Variants in PTPRD observed in about 807,000 individuals in gnomAD.
The protein encoded by PTPRD is receptor-type tyrosine-protein phosphatase delta.
In PTPRD, 34 loss-of-function variants were observed where a neutral mutation model predicts 214.5. The ratio of observed to expected loss-of-function variants is 0.16; its 90% CI spans 0.12 to 0.21. PTPRD has a LOEUF of 0.21. Ranked by LOEUF, PTPRD falls within the 10% of genes least tolerant of loss-of-function variation. The pLI is 1.00. For synonymous variants in PTPRD, 1,128 were observed against 845.7 expected (o/e 1.33, Z -5.79); for missense variants, 2,545 against 2,398.7 (o/e 1.06, Z -1.27).
At chr9:8,463,349 G>A (rs56236690) in intron 32 of PTPRD, among the ~76,000 whole-genome samples, 1,518 of 144,758 alleles carry the variant, frequency 0.01, 15 homozygotes, top group African/African-American at 0.029. Flanking sequence ...TGTATGGTAT[G>A]AGGATTGACA....
intron 14 of PTPRD, among the ~76,000 whole-genome samples, chr9:8,559,623 C>A (rs2085364560): frequency 6.6e-6 from 1 of 152,184 alleles, no homozygotes; most frequent in African/African-American, 2.4e-5. Context: ...TTTCTGCACA[C>A]AGAACCATGC....
chr9:10,507,510 A>T (rs1367035569), intron 2 of PTPRD, among the ~76,000 whole-genome samples: 1 of 152,160 alleles, frequency 6.6e-6, no homozygotes, highest in Non-Finnish European at 1.5e-5. Context: ...AAGCCAAAAG[A>T]ACAAAGCTGG....
rs574229684 is a variant in PTPRD, at chr9:9,189,715, A to T, written c.-202-6352T>A. ...GCATAAGCCTAGCATACAGTGATAA[A>T]TGGTAAATATTTTTGAAATGAATAA... On this transcript the variant is annotated intron_variant, in intron 9 of 45. Transcript: ENST00000381196. Among the ~76,000 whole-genome samples the T allele has an allele frequency of 2.6e-5, 4 of 152,214 alleles. No homozygotes were observed. The South Asian group carries it at 8.3e-4, about 32-fold the overall frequency.
At chr9:10,031,704 A>G (rs180732779) in intron 4 of PTPRD, among the ~76,000 whole-genome samples, 2 of 146,914 alleles carry the variant, frequency 1.4e-5, no homozygotes, top group African/African-American at 5.2e-5. Context: ...TTCTGTCCCT[A>G]CTACAAATAC....
intron 11 of PTPRD, among the ~76,000 whole-genome samples, chr9:8,850,636 C>G (rs182560819): frequency 2.6e-5 from 4 of 152,204 alleles, no homozygotes; most frequent in African/African-American, 7.2e-5. Context: ...ACTCTTATTT[C>G]TAGCTAGCCA....
intron 3 of PTPRD, among the ~76,000 whole-genome samples, chr9:10,208,867 C>G (rs752936220): frequency 2.0e-5 from 3 of 152,130 alleles, no homozygotes; most frequent in Non-Finnish European, 2.9e-5. Context: ...GCATATTGCA[C>G]CAGCTGTGAA....
At chr9:10,611,703 C>T (rs186544290) in intron 2 of PTPRD, among the ~76,000 whole-genome samples, 1 of 152,132 alleles carries the variant, frequency 6.6e-6, no homozygotes. Context: ...GTTTATAACC[C>T]GCTGTGTCAA....
chr9:10,351,408 A>G (rs1304642773), intron 2 of PTPRD, among the ~76,000 whole-genome samples: 1 of 152,118 alleles, frequency 6.6e-6, no homozygotes, highest in Non-Finnish European at 1.5e-5. Context: ...ATAGTGATTA[A>G]GAGTCACATA....
At chr9:10,262,184 TAA>T (rs578022740) in intron 3 of PTPRD, among the ~76,000 whole-genome samples, 1 of 151,410 alleles carries the variant, frequency 6.6e-6, no homozygotes, top group African/African-American at 2.4e-5. Flanking sequence ...AAAGAAAAAT[TAA>T]AAAAAAATTA....
intron 7 of PTPRD, among the ~76,000 whole-genome samples, chr9:9,716,359 G>C (rs1228846434): frequency 6.6e-6 from 1 of 151,400 alleles, no homozygotes; most frequent in Non-Finnish European, 1.5e-5. Flanking sequence ...AGTCCTTTGG[G>C]TATATACCCA....
chr9:9,956,668 A>G (rs1408850547), intron 4 of PTPRD, among the ~76,000 whole-genome samples: 1 of 152,146 alleles, frequency 6.6e-6, no homozygotes, highest in African/African-American at 2.4e-5. Context: ...TGTGAATGAG[A>G]CAAGGGAATG....
At chr9:9,312,303 T>C (rs766841062) in intron 9 of PTPRD, among the ~76,000 whole-genome samples, 2 of 152,176 alleles carry the variant, frequency 1.3e-5, no homozygotes, top group African/African-American at 4.8e-5. Flanking sequence ...TCCAAAACCA[T>C]GTAAATTCAA....
At position 10,120,469 on chromosome 9, in the gene PTPRD, G is replaced by A. The variant is rs183716869; in HGVS notation, c.-544-86679C>T. Among the ~76,000 whole-genome samples, 122 of 151,908 alleles carry A rather than the reference G, an allele frequency of 8.0e-4. 1 individual carries two copies. The highest frequency in any genetic ancestry group is 2.8e-3 in the African/African-American group (118 of 41,474). On this transcript the variant is annotated intron_variant, in intron 3 of 45. Coordinates refer to ENST00000381196, the MANE Select transcript of PTPRD (RefSeq NM_002839.4). Reference sequence around the variant, plus strand: ...CACAAATCATAAGATCTCAGTCTACGTCCTCTGAAAACAGTCTTTCATTGT... The same window carrying A: ...CACAAATCATAAGATCTCAGTCTACATCCTCTGAAAACAGTCTTTCATTGT...
At chr9:10,425,258 G>T (rs1288557170) in intron 2 of PTPRD, among the ~76,000 whole-genome samples, 1 of 151,900 alleles carries the variant, frequency 6.6e-6, no homozygotes, top group East Asian at 1.9e-4. Context: ...GAATTAGTGA[G>T]GTATTAAAAT....
intron 12 of PTPRD, among the ~76,000 whole-genome samples, chr9:8,647,010 T>C (rs1353889381): frequency 2.0e-5 from 3 of 152,250 alleles, no homozygotes; most frequent in Non-Finnish European, 2.9e-5. Context: ...ACAAAGTCTA[T>C]GTGACATACC....
intron 3 of PTPRD, among the ~76,000 whole-genome samples, chr9:10,099,782 T>A (rs80010095): frequency 0.013 from 1,924 of 151,676 alleles, 20 homozygotes; most frequent in Middle Eastern, 0.027. Flanking sequence ...AAGATTCAAG[T>A]TTACTAAATC....
chr9:10,035,733 G>A (rs1031008489), intron 3 of PTPRD, among the ~76,000 whole-genome samples: 2 of 151,554 alleles, frequency 1.3e-5, no homozygotes, highest in Non-Finnish European at 2.9e-5. Flanking sequence ...CAACCCAAAT[G>A]TTATGGTGCC....
intron 3 of PTPRD, among the ~76,000 whole-genome samples, chr9:10,141,324 G>T (rs1008758999): frequency 1.3e-5 from 2 of 152,094 alleles, no homozygotes; most frequent in Admixed American, 6.6e-5. Context: ...CCTTTTTGCA[G>T]ACGACATGAT....
chr9:10,238,773 G>C (rs74357179), intron 3 of PTPRD, among the ~76,000 whole-genome samples: 1 of 151,862 alleles, frequency 6.6e-6, no homozygotes, highest in African/African-American at 2.4e-5. Flanking sequence ...TATGAGTTTT[G>C]AAGAAACAAA....
Sources: allele counts gnomAD v4.1 joint callset (sites outside exome capture counted in the v4.1 genomes callset), GRCh38; gene constraint gnomAD v4.1.1; transcripts MANE v1.5; gene names NCBI Gene and HGNC (gene_info 2026-07-23, HGNC 2026-07-21).